The following TSEN2 variants were observed in gnomAD, a reference collection of about 807,000 sequenced individuals.
The protein encoded by TSEN2 is tRNA-splicing endonuclease subunit Sen2.
A neutral mutation model predicts 59.2 loss-of-function variants in TSEN2; 54 were observed. That is an observed-to-expected ratio of 0.91 (90% CI 0.73 to 1.14). The LOEUF is 1.14. Among genes scored for constraint, TSEN2 ranks in the 50% most tolerant of loss-of-function variants. The pLI is 0.00. For missense variants in TSEN2, 636 were observed against 576.2 expected, an observed-to-expected ratio of 1.10 and a Z score of -1.06; for synonymous variants, 195 against 198.2, an observed-to-expected ratio of 0.98 and a Z score of 0.14.
chr3:12,528,587 G>A (rs1000375839), intron 8 of TSEN2, among the ~76,000 whole-genome samples: 6 of 152,160 alleles, frequency 3.9e-5, no homozygotes, highest in African/African-American at 1.4e-4. Flanking sequence ...GCGTGTGGTG[G>A]TGCACGCCTG....
At position 12,533,288 on chromosome 3, in the gene TSEN2, T is replaced by A. The variant is rs1013746020; in HGVS notation, c.*567T>A. 6.4e-6 allele frequency: 1 copy of A among 155,374 alleles called. No individual in the cohort carries two copies. The highest frequency in any genetic ancestry group is 6.3e-5 in the Admixed American group (1 of 15,916). 9.6% of individuals were successfully genotyped at this position (155,374 alleles called of 1,614,324 possible). On this transcript the variant is annotated 3_prime_UTR_variant, in exon 12 of 12. Coordinates refer to ENST00000284995, the MANE Select transcript of TSEN2 (RefSeq NM_025265.4). ...AAAGCGATTAACATTTGGCAAAATA[T>A]AATAAAGCCTTTTTGTAATTGGTGA...
rs925128981 is a variant in TSEN2, at chr3:12,506,942, C to T, written c.909+1711C>T. The T allele has an allele frequency of 3.5e-6, 3 of 863,770 alleles. No homozygotes were observed. In the African/African-American group the frequency reaches 5.5e-5, roughly 16 times the overall value. 53.5% of individuals were successfully genotyped at this position (863,770 alleles called of 1,614,324 possible). ...GGGCGCCGTGGCTCACACCTGTAAT[C>T]CCAGCACTTTGGGAGGCCGAGGCGG... On this transcript the variant is annotated intron_variant, in intron 6 of 11. Transcript: ENST00000284995.
At chr3:12,518,238 C>G (rs531884946) in intron 7 of TSEN2, among the ~76,000 whole-genome samples, 84 of 152,312 alleles carry the variant, frequency 5.5e-4, no homozygotes, top group African/African-American at 1.9e-3. Context: ...AACAAATTCT[C>G]TAGTTTCAAA....
chr3:12,493,156 C>T (rs2053398827), intron 3 of TSEN2, among the ~76,000 whole-genome samples: 1 of 152,156 alleles, frequency 6.6e-6, no homozygotes. Context: ...GGACATAGTG[C>T]CTTTAGCTCA....
chr3:12,526,451 G>A (rs1451887608), intron 8 of TSEN2, among the ~76,000 whole-genome samples: 4 of 152,204 alleles, frequency 2.6e-5, no homozygotes, highest in African/African-American at 9.7e-5. Flanking sequence ...GTCACGTGCT[G>A]AACAGGTTTG....
chr3:12,535,614 C>A (rs1410990530), downstream of TSEN2, among the ~76,000 whole-genome samples: 1 of 152,140 alleles, frequency 6.6e-6, no homozygotes, highest in Admixed American at 6.6e-5. Flanking sequence ...TCACTGCAAC[C>A]TCCACTTCCT....
At chr3:12,518,490 C>G (rs2056342441) in intron 7 of TSEN2, among the ~76,000 whole-genome samples, 1 of 152,150 alleles carries the variant, frequency 6.6e-6, no homozygotes, top group Admixed American at 6.5e-5. Flanking sequence ...CACTACTTGT[C>G]ATGCTCAAAT....
Position 12,529,841 on chromosome 3 carries a change from G to T in TSEN2, c.1216G>T (p.Ala406Ser), listed in dbSNP as rs746110091. The stretch of plus-strand genomic sequence containing the variant: ...GCCTCTCAGTTGGAAGTCCCTGGCT[G>T]CCTTGAGCAGAGTTTCCGTTAATGT... ...RRPLSWKSLA[A>S]LSRVSVNVSK... The change falls in exon 10 of 12, where the codon GCC becomes TCC. Residue 406 changes from alanine (A) to serine (S), a missense_variant. Transcript: ENST00000284995. The T allele has an allele frequency of 1.2e-6, 2 of 1,613,942 alleles. No homozygotes were observed. Among genetic ancestry groups the T allele is most frequent in the African/African-American group, 2.7e-5 (2 of 74,890 alleles).
rs140510402 is a variant in TSEN2 at position 12,508,061 on chromosome 3, C to T, written c.909+2830C>T. ...GCCAGCAGGGCACTGCAGGGGATTC[C>T]GTAGGGGAGTGGCAGTGACCAGAGC... On this transcript the variant is annotated intron_variant, in intron 6 of 11. Coordinates refer to ENST00000284995, the MANE Select transcript of TSEN2 (RefSeq NM_025265.4). Among the ~76,000 whole-genome samples, 1,172 of 152,148 alleles carry T rather than the reference C, an allele frequency of 7.7e-3. 8 individuals are homozygous for T. Among genetic ancestry groups the T allele is most frequent in the African/African-American group, 0.026 (1,099 of 41,508 alleles).
In TSEN2 at chr3:12,489,935, TAAC is replaced by T. The variant is rs797046052; in HGVS notation, c.141_143del (p.Asn48del). The T allele has an allele frequency of 1.8e-5, 29 of 1,614,050 alleles. No individual in the cohort carries two copies. Among genetic ancestry groups the T allele is most frequent in the Non-Finnish European group, 2.4e-5 (28 of 1,180,030 alleles). On this transcript the variant is annotated inframe_deletion, in exon 2 of 12. Transcript: ENST00000284995. ...TCAAGATATTCCGTGCTGAAATGAT[TAAC>T]AACAATGTGATTGTGAGGAATGCGG...
chr3:12,500,931 A>G (rs894929815), intron 4 of TSEN2, among the ~76,000 whole-genome samples: 1 of 152,152 alleles, frequency 6.6e-6, no homozygotes, highest in Non-Finnish European at 1.5e-5. Flanking sequence ...GGAACTATTG[A>G]CCCTTTAAAT....
At position 12,503,739 on chromosome 3, in the gene TSEN2, A is replaced by C; in HGVS notation, c.786A>C (p.Glu262Asp). The change falls in exon 5 of 12, where the codon GAA becomes GAC. Residue 262 changes from glutamate to aspartate, a missense_variant. Coordinates refer to ENST00000284995, the MANE Select transcript of TSEN2 (RefSeq NM_025265.4). ...GPDHEYVLVE[E>D]AECAMSEREA... ...ACCATGAGTACGTGCTGGTCGAGGA[A>C]GCGGAGTGTGCCATGAGCGAGAGGG... is the stretch of plus-strand genomic sequence containing the variant. The C allele has an allele frequency of 1.2e-6, 2 of 1,614,138 alleles. No homozygotes were observed. The highest frequency in any genetic ancestry group is 1.7e-6 in the Non-Finnish European group (2 of 1,180,028).
intron 6 of TSEN2, among the ~76,000 whole-genome samples, chr3:12,515,789 A>G (rs900328285): frequency 1.3e-5 from 2 of 152,224 alleles, no homozygotes; most frequent in Admixed American, 6.5e-5. Flanking sequence ...ATAGGGTTCT[A>G]GAAAATCACT....
intron 5 of TSEN2, 136 bp from the exon 6 acceptor site, chr3:12,505,018 A>G: frequency 2.9e-6 from 2 of 685,544 alleles, no homozygotes; most frequent in Non-Finnish European, 5.3e-6. Context: ...TTGTGTTTTA[A>G]TCATTCTTTA....
chr3:12,503,127 TTATC>T, intron 4 of TSEN2, 131 bp from the exon 5 acceptor site: 5 of 916,334 alleles, frequency 5.5e-6, no homozygotes, highest in Middle Eastern at 3.3e-4. Context: ...AGAAAAATAT[TTATC>T]TATAATGCAC....
intron 7 of TSEN2, 88 bp downstream of exon 7, chr3:12,516,749 A>G: frequency 9.4e-6 from 12 of 1,273,116 alleles, no homozygotes; most frequent in Non-Finnish European, 1.4e-5. Context: ...CATTAATACA[A>G]ATGTTTCTAC....
chr3:12,497,761 G>C (rs1259582243), intron 4 of TSEN2, among the ~76,000 whole-genome samples: 1 of 152,220 alleles, frequency 6.6e-6, no homozygotes, highest in Non-Finnish European at 1.5e-5. Context: ...AGTATCCCAA[G>C]AAGTTTCATT....
In TSEN2 at chr3:12,516,880, C is replaced by G. The variant is rs557773496; in HGVS notation, c.960+219C>G. On this transcript the variant is annotated intron_variant, in intron 7 of 11. Transcript: ENST00000284995. ...TTAGATTGCATTTCATTCCTCAAAA[C>G]TAGGAGAAGTACAGTATCTTGTACT... 1.8e-4 allele frequency among the ~76,000 whole-genome samples: 27 copies of G among 152,200 alleles called. 1 individual carries two copies. In the Middle Eastern group the frequency reaches 0.014, roughly 77 times the overall value.
intron 6 of TSEN2, among the ~76,000 whole-genome samples, chr3:12,511,721 C>G (rs1473035783): frequency 1.3e-5 from 2 of 152,056 alleles, no homozygotes; most frequent in African/African-American, 4.8e-5. Context: ...CACATGCCAC[C>G]ACGCCCAGCT....
Sources: allele counts gnomAD v4.1 joint callset (sites outside exome capture counted in the v4.1 genomes callset), GRCh38; gene constraint gnomAD v4.1.1; transcripts MANE v1.5; gene names NCBI Gene and HGNC (gene_info 2026-07-23, HGNC 2026-07-21).